Variants in BEND7 observed in about 807,000 individuals in gnomAD.
The protein encoded by BEND7 is BEN domain-containing protein 7.
BEND7 carries 28 observed loss-of-function variants against 50.9 expected under a neutral mutation model. The observed-to-expected ratio is 0.55, with a 90% CI of 0.41 to 0.75. The LOEUF is 0.75. Ranked by LOEUF, BEND7 falls within the 30% of genes least tolerant of loss-of-function variation. The pLI is 0.00. For missense variants in BEND7, 477 were observed against 491.3 expected, an observed-to-expected ratio of 0.97 and a Z score of 0.28; for synonymous variants, 170 against 183.9, an observed-to-expected ratio of 0.92 and a Z score of 0.61.
chr10:13,503,520 C>T (rs556437727), intron 2 of BEND7, among the ~76,000 whole-genome samples: 30 of 152,274 alleles, frequency 2.0e-4, no homozygotes, highest in African/African-American at 7.0e-4. Flanking sequence ...TGAGACCAGC[C>T]TGGCCAACAT....
intron 3 of BEND7, among the ~76,000 whole-genome samples, chr10:13,498,896 CCT>C (rs1283051382): frequency 6.6e-6 from 1 of 152,068 alleles, no homozygotes; most frequent in Non-Finnish European, 1.5e-5. Context: ...GCTTTTCATG[CCT>C]CTGAACCACA....
chr10:13,441,443 TCGCACACATCTTTGGG>T lies in BEND7; in HGVS notation c.*284_*299del. On this transcript the variant is annotated 3_prime_UTR_variant, in exon 9 of 9. Coordinates refer to ENST00000466271, the MANE Select transcript of BEND7 (RefSeq NM_001369863.1). ...TATTTCCAGTGTGTAGATCCGTTCA[TCGCACACATCTTTGGG>T]TTGAACAAGCTCCACCCGTCCTCAA... The T allele has an allele frequency of 5.1e-6, 6 of 1,178,016 alleles. No individual in the cohort carries two copies. Among genetic ancestry groups the T allele is most frequent in the South Asian group, 4.0e-5 (1 of 25,220 alleles). 73.0% of individuals were successfully genotyped at this position (1,178,016 alleles called of 1,614,324 possible).
At chr10:13,456,144 C>T (rs1469578716) in intron 6 of BEND7, among the ~76,000 whole-genome samples, 2 of 152,126 alleles carry the variant, frequency 1.3e-5, no homozygotes, top group East Asian at 3.9e-4. Flanking sequence ...CTTCACCCCC[C>T]AAATCTAGGA....
At chr10:13,502,947 G>T in intron 2 of BEND7, 1 of 984,844 alleles carries the variant, frequency 1.0e-6, no homozygotes, top group Middle Eastern at 5.2e-4. Flanking sequence ...CAAAGGTCCT[G>T]CCTCTGCTCT....
At chr10:13,513,297 G>C (rs1564403560) in intron 2 of BEND7, among the ~76,000 whole-genome samples, 1 of 152,026 alleles carries the variant, frequency 6.6e-6, no homozygotes, top group African/African-American at 2.4e-5. Flanking sequence ...GCTCTTCCTG[G>C]ATTCACCGTC....
At chr10:13,450,017 C>T (rs1007987130) in intron 7 of BEND7, among the ~76,000 whole-genome samples, 11 of 152,126 alleles carry the variant, frequency 7.2e-5, no homozygotes, top group African/African-American at 1.4e-4. Context: ...AGATCTAACA[C>T]GATATATTGT....
chr10:13,501,745 C>G (rs1366130261), intron 2 of BEND7, among the ~76,000 whole-genome samples: 2 of 151,790 alleles, frequency 1.3e-5, no homozygotes, highest in African/African-American at 4.8e-5. Context: ...TACTTGGAGG[C>G]TGAGGTGGAA....
chr10:13,502,145 C>G (rs2077518436), intron 2 of BEND7, among the ~76,000 whole-genome samples: 1 of 152,076 alleles, frequency 6.6e-6, no homozygotes, highest in African/African-American at 2.4e-5. Context: ...GCACAATAAC[C>G]TAGCCGTTTT....
At chr10:13,448,230 A>G (rs1836857142) in intron 7 of BEND7, among the ~76,000 whole-genome samples, 1 of 152,184 alleles carries the variant, frequency 6.6e-6, no homozygotes, top group Non-Finnish European at 1.5e-5. Flanking sequence ...GCGAAAAAAA[A>G]GGTGCACGTG....
chr10:13,478,697 AAAAATC>A (rs1239365801), intron 6 of BEND7, among the ~76,000 whole-genome samples: 2 of 152,222 alleles, frequency 1.3e-5, no homozygotes, highest in African/African-American at 4.8e-5. Flanking sequence ...TAATCAGGAA[AAAAATC>A]AAAATCAAAA....
chr10:13,485,315 AAAG>A (rs1208162913), intron 5 of BEND7, among the ~76,000 whole-genome samples: 1 of 152,220 alleles, frequency 6.6e-6, no homozygotes, highest in Non-Finnish European at 1.5e-5. Context: ...TCACTGGTTA[AAAG>A]AAGTGCACAA....
intron 6 of BEND7, among the ~76,000 whole-genome samples, chr10:13,476,535 T>G (rs1311824611): frequency 6.6e-6 from 1 of 152,192 alleles, no homozygotes; most frequent in Admixed American, 6.5e-5. Flanking sequence ...GAAGTCGAAT[T>G]AAAAATCCTA....
chr10:13,452,777 GA>G lies in BEND7; in HGVS notation c.1064-120del, dbSNP rs1411200417. The G allele has an allele frequency of 7.8e-6, 7 of 896,414 alleles. No individual in the cohort carries two copies. The African/African-American group carries it at 1.2e-4, about 15-fold the overall frequency. 55.5% of individuals were successfully genotyped at this position (896,414 alleles called of 1,614,324 possible). On this transcript the variant is annotated intron_variant, in intron 6 of 8. Transcript: ENST00000466271. Reference sequence around the variant, plus strand: ...TTTCTAAAGGAGGTCAGTTCTGCACGATATGTCTTCGGTATCTGTATTATAT... The same window carrying G: ...TTTCTAAAGGAGGTCAGTTCTGCACGTATGTCTTCGGTATCTGTATTATAT...
At chr10:13,528,395 C>T (rs1215507179) in intron 1 of BEND7, 78 bp downstream of exon 1, 6 of 674,318 alleles carry the variant, frequency 8.9e-6, no homozygotes, top group Non-Finnish European at 9.1e-6. Flanking sequence ...GGAGGGCGCG[C>T]CCCCCAGCGT....
Position 13,465,910 on chromosome 10 carries a change from G to C in BEND7, c.1064-13252C>G, listed in dbSNP as rs574642239. On this transcript the variant is annotated intron_variant, in intron 6 of 8. Transcript: ENST00000466271. Reference sequence around the variant, plus strand: ...GTGTGTGTGTGTGTGTGTGGTGGCAGGGGTGGGGGGACAGACAACAATATT... The same window carrying C: ...GTGTGTGTGTGTGTGTGTGGTGGCACGGGTGGGGGGACAGACAACAATATT... Among the ~76,000 whole-genome samples, 13 of 152,178 alleles carry C rather than the reference G, an allele frequency of 8.5e-5. 1 individual carries two copies. In the South Asian group the frequency reaches 2.7e-3, roughly 32 times the overall value.
chr10:13,438,915 T>G, downstream of BEND7: 5 of 438,748 alleles, frequency 1.1e-5, no homozygotes, highest in East Asian at 4.6e-5. Flanking sequence ...TTTGGGCTGA[T>G]GGGAGAAGGG....
At position 13,502,551 on chromosome 10, in the gene BEND7, G is replaced by T. The variant is rs188362064; in HGVS notation, c.146-2471C>A. Reference sequence around the variant, plus strand: ...GCAAAATTTACTACTTTCTCGAGAGGCTACGGAACAGGGTGTGTCTGGAAG... The same window carrying T: ...GCAAAATTTACTACTTTCTCGAGAGTCTACGGAACAGGGTGTGTCTGGAAG... On this transcript the variant is annotated intron_variant, in intron 2 of 8. Coordinates refer to ENST00000466271, the MANE Select transcript of BEND7 (RefSeq NM_001369863.1). Among the ~76,000 whole-genome samples, 134 of 152,286 alleles carry T rather than the reference G, an allele frequency of 8.8e-4. 1 individual carries two copies. Among genetic ancestry groups the T allele is most frequent in the Admixed American group, 1.4e-3 (21 of 15,296 alleles).
At chr10:13,465,612 T>C (rs918170441) in intron 6 of BEND7, among the ~76,000 whole-genome samples, 6 of 152,214 alleles carry the variant, frequency 3.9e-5, no homozygotes, top group South Asian at 2.1e-4. Flanking sequence ...TTCTGAGAAT[T>C]TGGAATATAA....
At chr10:13,468,651 G>C (rs931074971) in intron 6 of BEND7, among the ~76,000 whole-genome samples, 1 of 152,180 alleles carries the variant, frequency 6.6e-6, no homozygotes, top group Non-Finnish European at 1.5e-5. Context: ...TGTTTTTGCA[G>C]AATTTCAAGG....
Sources: allele counts gnomAD v4.1 joint callset (sites outside exome capture counted in the v4.1 genomes callset), GRCh38; gene constraint gnomAD v4.1.1; transcripts MANE v1.5; gene names NCBI Gene and HGNC (gene_info 2026-07-23, HGNC 2026-07-21).